Variants in TMEM44 observed in about 807,000 individuals in gnomAD.
TMEM44 encodes transmembrane protein 44.
TMEM44 carries 43 observed loss-of-function variants against 47.8 expected under a neutral mutation model. The observed-to-expected ratio is 0.90, with a 90% CI of 0.70 to 1.16. The LOEUF (loss-of-function observed/expected upper bound fraction) is 1.16. Ranked by LOEUF, TMEM44 falls within the 50% of genes most tolerant of loss-of-function variation. The pLI is 0.00. For synonymous variants in TMEM44, 277 were observed against 238.8 expected (o/e 1.16, Z -1.48); for missense variants, 568 against 555.2 (o/e 1.02, Z -0.23).
At chr3:194,616,981 C>T (rs1715967525) in intron 6 of TMEM44, 118 bp downstream of exon 6, 2 of 1,174,726 alleles carry the variant, frequency 1.7e-6, no homozygotes, top group East Asian at 2.7e-5. Context: ...CACTCCCTTA[C>T]TGCTGGGAGA....
chr3:194,592,737 CCT>C lies in TMEM44; in HGVS notation c.1177-4100_1177-4099del, dbSNP rs377648321. The stretch of plus-strand genomic sequence containing the variant: ...TTCAAGCGATTCACTTGCCTCAGCC[CCT>C]GAGTAGCTGGGATTACAGGCATGTG... On this transcript the variant is annotated intron_variant, in intron 9 of 9. Transcript: ENST00000347147. Among the ~76,000 whole-genome samples the C allele has an allele frequency of 3.5e-4, 54 of 152,122 alleles. 1 individual carries two copies. In the East Asian group the frequency reaches 5.8e-3, roughly 16 times the overall value.
chr3:194,613,490 TA>T (rs898722992), intron 7 of TMEM44, among the ~76,000 whole-genome samples: 1 of 150,662 alleles, frequency 6.6e-6, no homozygotes, highest in African/African-American at 2.4e-5. Context: ...ATGAACACTT[TA>T]AAAAAAAAGT....
At position 194,605,259 on chromosome 3, in the gene TMEM44, G is replaced by T. The variant is rs1386592479; in HGVS notation, c.1018-814C>A. 2.0e-5 allele frequency among the ~76,000 whole-genome samples: 3 copies of T among 152,188 alleles called. No homozygotes were observed. The East Asian group carries it at 5.8e-4, about 29-fold the overall frequency. ...TGGGGACTCCTCAGAGATCTACAAA[G>T]CTCCACCAGCTGAACTTTTGAAGTC... On this transcript the variant is annotated intron_variant, in intron 8 of 9. Coordinates refer to ENST00000347147, the MANE Select transcript of TMEM44 (RefSeq NM_001011655.3).
chr3:194,590,425 G>A (rs1226873437), intron 9 of TMEM44, among the ~76,000 whole-genome samples: 2 of 152,184 alleles, frequency 1.3e-5, no homozygotes, highest in Admixed American at 6.5e-5. Context: ...TTAACTTGCG[G>A]TCGCAGACCT....
intron 9 of TMEM44, chr3:194,592,917 A>G (rs1712943065): frequency 4.8e-6 from 6 of 1,249,478 alleles, no homozygotes; most frequent in South Asian, 1.2e-5. Context: ...CTGGCCTGAC[A>G]TTCTTTTTTT....
In TMEM44 at chr3:194,633,321, T is replaced by G; in HGVS notation, c.-106A>C. 4.4e-6 allele frequency: 2 copies of G among 455,668 alleles called. No homozygotes were observed. The highest frequency in any genetic ancestry group is 5.8e-6 in the Non-Finnish European group (2 of 342,758). The allele number at this position is 455,668 out of a possible 1,614,324, so 28.2% of individuals were successfully genotyped here. A position where few individuals can be genotyped will look rare whatever the true frequency, so the allele number is the denominator to read the frequency against. ...CCCGCGTGCCCTTCTCTGGGTTCCG[T>G]TCCGCCGCGGCGCCTCCGGCCGAGC... On this transcript the variant is annotated 5_prime_UTR_variant, in exon 1 of 10. Transcript: ENST00000347147.
intron 9 of TMEM44, among the ~76,000 whole-genome samples, chr3:194,601,302 T>G (rs1369239412): frequency 2.0e-5 from 3 of 150,808 alleles, no homozygotes; most frequent in African/African-American, 7.3e-5. Context: ...CACGCCTGGC[T>G]AATTTTCTTT....
chr3:194,595,034 TC>T (rs1250534958), intron 9 of TMEM44, among the ~76,000 whole-genome samples: 1 of 152,222 alleles, frequency 6.6e-6, no homozygotes, highest in Non-Finnish European at 1.5e-5. Flanking sequence ...TATAGTCTTT[TC>T]CCTGTTTCAA....
At chr3:194,603,877 G>A (rs4677819) in intron 9 of TMEM44, among the ~76,000 whole-genome samples, 4,515 of 151,424 alleles carry the variant, frequency 0.03, 88 homozygotes, top group Admixed American at 0.035. Flanking sequence ...TTTTTGAGAC[G>A]GAGTCTCGTT....
chr3:194,592,980 G>A lies in TMEM44; in HGVS notation c.1177-4341C>T, dbSNP rs115343366. The A allele has an allele frequency of 3.7e-3, 5,908 of 1,590,348 alleles. 163 individuals carry two copies. In the African/African-American group the frequency reaches 0.062, roughly 17 times the overall value. On this transcript the variant is annotated intron_variant, in intron 9 of 9. Coordinates refer to ENST00000347147, the MANE Select transcript of TMEM44 (RefSeq NM_001011655.3). The stretch of plus-strand genomic sequence containing the variant: ...CATCTAACAAGGTCTAACAAAAACA[G>A]GAACTGAAATCAAGCCATAGGAAGT...
In TMEM44 at chr3:194,633,149, G is replaced by A. The variant is rs1375707483; in HGVS notation, c.67C>T (p.Arg23Cys). The change falls in exon 1 of 10, where the codon CGC becomes TGC. Residue 23 changes from arginine to cysteine, a missense_variant. Coordinates refer to ENST00000347147, the MANE Select transcript of TMEM44 (RefSeq NM_001011655.3). ...DWDYLDRCFA[R>C]HRVCISFGLW... ...CCGAAGGAGATGCAGACGCGGTGGC[G>A]GGCGAAGCAGCGGTCCAGGTAGTCC... The A allele has an allele frequency of 1.3e-6, 2 of 1,549,470 alleles. No individual in the cohort carries two copies. The highest frequency in any genetic ancestry group is 1.7e-6 in the Non-Finnish European group (2 of 1,147,104).
At chr3:194,590,969 A>G (rs1477022595) in intron 9 of TMEM44, among the ~76,000 whole-genome samples, 89 of 151,748 alleles carry the variant, frequency 5.9e-4, no homozygotes, top group East Asian at 3.9e-4. Context: ...TGAGGCGGGC[A>G]GATCACCTAA....
intron 8 of TMEM44, among the ~76,000 whole-genome samples, chr3:194,608,998 A>G (rs1286189579): frequency 3.9e-5 from 6 of 152,224 alleles, no homozygotes; most frequent in Non-Finnish European, 5.9e-5. Flanking sequence ...CCTAGTTTAA[A>G]TAAGGAAGCA....
intron 7 of TMEM44, among the ~76,000 whole-genome samples, chr3:194,613,080 T>C (rs2109187359): frequency 6.6e-6 from 1 of 152,348 alleles, no homozygotes; most frequent in South Asian, 2.1e-4. Flanking sequence ...TCTGTTTAAA[T>C]CAATAAAAGG....
At chr3:194,616,951 G>T in intron 6 of TMEM44, 148 bp downstream of exon 6, 3 of 833,860 alleles carry the variant, frequency 3.6e-6, no homozygotes, top group Non-Finnish European at 5.4e-6. Context: ...ATTTGTGTTT[G>T]CCTGCCCCAA....
intron 9 of TMEM44, among the ~76,000 whole-genome samples, chr3:194,599,013 G>A (rs1470205777): frequency 6.6e-6 from 1 of 152,224 alleles, no homozygotes. Flanking sequence ...AGCCTTGGCA[G>A]CCAGGCCAGG....
At chr3:194,623,030 T>C (rs1577216338) in intron 5 of TMEM44, 194 bp downstream of exon 5, 1 of 503,908 alleles carries the variant, frequency 2.0e-6, no homozygotes, top group Admixed American at 4.3e-5. Context: ...CAGGACGCCC[T>C]GGGTTGGCTG....
chr3:194,610,889 A>T (rs1454203937), intron 8 of TMEM44, 27 bp downstream of exon 8: 1 of 1,597,974 alleles, frequency 6.3e-7, no homozygotes, highest in South Asian at 1.1e-5. Flanking sequence ...CCTCTCAGAC[A>T]CCTGGCCATG....
rs139906955 is a variant in TMEM44 at position 194,588,470 on chromosome 3, C to T, written c.*59G>A. 431 of 1,481,942 alleles carry T rather than the reference C, an allele frequency of 2.9e-4. 2 individuals are homozygous for T. The African/African-American group carries it at 4.9e-3, about 17-fold the overall frequency. The allele number at this position is 1,481,942 out of a possible 1,614,324, so 91.8% of individuals were successfully genotyped here. ...TGTCAGTGCAGATTGATTCCCGCTG[C>T]GTTACTGAACGAACTCCTGACCCTG... On this transcript the variant is annotated 3_prime_UTR_variant, in exon 10 of 10. Transcript: ENST00000347147.
Sources: gnomAD v4.1 joint callset for allele counts (sites outside exome capture counted in the v4.1 genomes callset) on GRCh38, gnomAD v4.1.1 for gene constraint, MANE v1.5 for transcripts, NCBI Gene and HGNC (gene_info 2026-07-23, HGNC 2026-07-21) for gene names.